The following SMOC2 variants were observed in gnomAD, a reference collection of about 807,000 sequenced individuals.
SMOC2 encodes SPARC-related modular calcium-binding protein 2.
A neutral mutation model predicts 61.4 loss-of-function variants in SMOC2; 39 were observed. The observed-to-expected ratio is 0.64, with a 90% CI of 0.49 to 0.83. The LOEUF (loss-of-function observed/expected upper bound fraction) is 0.83. SMOC2 is among the 40% of genes least tolerant of loss of function. The pLI is 0.00. For missense variants in SMOC2, 556 were observed against 592.9 expected (o/e 0.94, Z 0.65); for synonymous variants, 247 against 239.9 (o/e 1.03, Z -0.27).
intron 9 of SMOC2, among the ~76,000 whole-genome samples, 175 bp from the exon 10 acceptor site, chr6:168,650,506 T>C (rs187401861): frequency 6.6e-6 from 1 of 152,228 alleles, no homozygotes; most frequent in Non-Finnish European, 1.5e-5. Flanking sequence ...TAATAATAGC[T>C]ATGGCTCAAA....
chr6:168,486,028 T>C (rs1782323596), intron 1 of SMOC2, among the ~76,000 whole-genome samples: 2 of 152,222 alleles, frequency 1.3e-5, no homozygotes, highest in Admixed American at 1.3e-4. Context: ...CCTCTGCTGC[T>C]TCTCTTTTGC....
intron 7 of SMOC2, among the ~76,000 whole-genome samples, chr6:168,567,955 C>T (rs1431188909): frequency 6.6e-6 from 1 of 150,882 alleles, no homozygotes; most frequent in Non-Finnish European, 1.5e-5. Flanking sequence ...AGTGCATCTT[C>T]TCTTCAGATG....
chr6:168,476,466 C>CTGTGTGTGTG (rs1191864533), intron 1 of SMOC2, among the ~76,000 whole-genome samples: 13 of 139,872 alleles, frequency 9.3e-5, no homozygotes, highest in African/African-American at 3.3e-4. Flanking sequence ...ATCTTTTATC[C>CTGTGTGTGTG]TGTGTGTGTG....
At chr6:168,580,821 C>T (rs1784903262) in intron 7 of SMOC2, among the ~76,000 whole-genome samples, 1 of 152,214 alleles carries the variant, frequency 6.6e-6, no homozygotes, top group Admixed American at 6.5e-5. Flanking sequence ...GGTAAGCCAC[C>T]ATGCCTGGCC....
chr6:168,544,377 A>T lies in SMOC2; in HGVS notation c.511+705A>T, dbSNP rs1783944292. ...AAAATTTTAGGTACTTTTCTTTTCT[A>T]GTGTAGGTTACAGTGTAATGAACCA... On this transcript the variant is annotated intron_variant, in intron 5 of 12. Coordinates refer to ENST00000356284, the MANE Select transcript of SMOC2 (RefSeq NM_001166412.2). This position sits in a 1 kb window ranked among gnomAD's most constrained non-coding sequence, Gnocchi z 4.1. Among the ~76,000 whole-genome samples, 1 of 152,236 alleles carries T rather than the reference A, an allele frequency of 6.6e-6. No homozygotes were observed. Among genetic ancestry groups the T allele is most frequent in the Admixed American group, 6.5e-5 (1 of 15,282 alleles).
rs182275489 is a variant in SMOC2, at chr6:168,600,759, A to G, written c.824+1755A>G. ...ATGGTATTCACATATGTGTGCCCCA[A>G]ATTTATCGCTTTTAGAAAAAGTGAG... On this transcript the variant is annotated intron_variant, in intron 8 of 12. Coordinates refer to ENST00000356284, the MANE Select transcript of SMOC2 (RefSeq NM_001166412.2). 4.1e-4 allele frequency among the ~76,000 whole-genome samples: 62 copies of G among 152,336 alleles called. 1 individual carries two copies. In the East Asian group the frequency reaches 0.011, roughly 27 times the overall value.
chr6:168,524,597 C>G (rs1210242792), intron 2 of SMOC2, among the ~76,000 whole-genome samples: 2 of 152,164 alleles, frequency 1.3e-5, no homozygotes, highest in Non-Finnish European at 2.9e-5. Context: ...ACCTCGCAAG[C>G]TGGAACTCAT....
chr6:168,543,859 C>T (rs997590539), intron 5 of SMOC2, among the ~76,000 whole-genome samples, 187 bp downstream of exon 5: 7 of 152,082 alleles, frequency 4.6e-5, no homozygotes, highest in Non-Finnish European at 8.8e-5. Context: ...GCCTGTGCTC[C>T]GCTGGGGTCG....
At chr6:168,472,461 A>G (rs1054802124) in intron 1 of SMOC2, among the ~76,000 whole-genome samples, 1 of 152,150 alleles carries the variant, frequency 6.6e-6, no homozygotes, top group Non-Finnish European at 1.5e-5. Context: ...CAACACTGCA[A>G]TTAACAATTT....
intron 1 of SMOC2, among the ~76,000 whole-genome samples, chr6:168,455,318 A>G (rs765427030): frequency 6.6e-6 from 1 of 152,210 alleles, no homozygotes. Flanking sequence ...AATCAACTCA[A>G]CATTTTCCTG....
At chr6:168,489,433 A>ACT (rs1402877129) in intron 1 of SMOC2, among the ~76,000 whole-genome samples, 2 of 142,340 alleles carry the variant, frequency 1.4e-5, no homozygotes, top group African/African-American at 5.2e-5. Flanking sequence ...CTTGGATCAC[A>ACT]GTTTTAGAGT....
At chr6:168,592,522 C>A (rs1185769231) in intron 7 of SMOC2, among the ~76,000 whole-genome samples, 1 of 100,690 alleles carries the variant, frequency 9.9e-6, no homozygotes, top group African/African-American at 3.6e-5. Context: ...CCTGAGGCCT[C>A]ACGGGCATCT....
In SMOC2 at chr6:168,657,867, G is replaced by A. The variant is rs186859050; in HGVS notation, c.1285+4639G>A. The stretch of plus-strand genomic sequence containing the variant: ...GCATTCACCTATTCGTGAGGGCAGA[G>A]TCCTCATGATGCAGACCTCTTAAAC... On this transcript the variant is annotated intron_variant, in intron 11 of 12. Transcript: ENST00000356284. Among the ~76,000 whole-genome samples the A allele has an allele frequency of 1.4e-4, 21 of 152,304 alleles. No homozygotes were observed. The South Asian group carries it at 1.9e-3, about 14-fold the overall frequency.
At chr6:168,526,906 A>G (rs1341094648) in intron 3 of SMOC2, among the ~76,000 whole-genome samples, 4 of 152,200 alleles carry the variant, frequency 2.6e-5, no homozygotes. Context: ...AGCTGAGCCA[A>G]GTCAAATTCA....
At chr6:168,540,792 G>A (rs981241129) in intron 4 of SMOC2, among the ~76,000 whole-genome samples, 4 of 152,162 alleles carry the variant, frequency 2.6e-5, no homozygotes, top group Admixed American at 6.5e-5. Context: ...ATCTGATGCT[G>A]TAAACCTGCC....
chr6:168,464,247 A>AAAGG (rs900391038), intron 1 of SMOC2, among the ~76,000 whole-genome samples: 6 of 150,958 alleles, frequency 4.0e-5, no homozygotes, highest in Non-Finnish European at 8.8e-5. Context: ...AGGAAGGAAG[A>AAAGG]AAGGAAGGAA....
chr6:168,500,539 T>A (rs1231103529), intron 1 of SMOC2, among the ~76,000 whole-genome samples: 1 of 151,926 alleles, frequency 6.6e-6, no homozygotes, highest in Non-Finnish European at 1.5e-5. Context: ...TTGCACTCAT[T>A]TTCTCCAACA....
At chr6:168,575,466 G>A (rs1784778147) in intron 7 of SMOC2, among the ~76,000 whole-genome samples, 1 of 152,080 alleles carries the variant, frequency 6.6e-6, no homozygotes, top group Non-Finnish European at 1.5e-5. Flanking sequence ...GCAGGGTGTG[G>A]GGACCCTGCA....
At chr6:168,599,839 C>G (rs1785490421) in intron 8 of SMOC2, among the ~76,000 whole-genome samples, 1 of 143,136 alleles carries the variant, frequency 7.0e-6, no homozygotes, top group Admixed American at 7.1e-5. Context: ...GCCCCCCACA[C>G]CCACAGTCAC....
Sources: allele counts gnomAD v4.1 joint callset (sites outside exome capture counted in the v4.1 genomes callset), GRCh38; gene constraint gnomAD v4.1.1; non-coding constraint Gnocchi (gnomAD v3.1); transcripts MANE v1.5; gene names NCBI Gene and HGNC (gene_info 2026-07-23, HGNC 2026-07-21).